Variants in WWOX observed in about 807,000 individuals in gnomAD.
WWOX encodes WW domain containing oxidoreductase.
In WWOX, 69 loss-of-function variants were observed where a neutral mutation model predicts 46.2. That is an observed-to-expected ratio of 1.49 (90% CI 1.23 to 1.82). The LOEUF (loss-of-function observed/expected upper bound fraction) is 1.82. Among genes scored for constraint, WWOX ranks in the 40% most tolerant of loss-of-function variants. The pLI is 0.00. For missense variants in WWOX, 919 were observed against 542.6 expected, an observed-to-expected ratio of 1.69 and a Z score of -6.89; for synonymous variants, 359 against 202.6, an observed-to-expected ratio of 1.77 and a Z score of -6.56.
At chr16:78,330,453 C>G (rs71396171) in intron 5 of WWOX, among the ~76,000 whole-genome samples, 7,789 of 151,680 alleles carry the variant, frequency 0.051, 324 homozygotes, top group African/African-American at 0.11. Context: ...CTATAGTGCA[C>G]TGGCGTGATC....
intron 8 of WWOX, among the ~76,000 whole-genome samples, chr16:79,033,563 C>A (rs2047807748): frequency 6.6e-6 from 1 of 152,096 alleles, no homozygotes; most frequent in African/African-American, 2.4e-5. Context: ...GTAGCCACCC[C>A]TTTATCAACA....
chr16:78,530,699 C>G (rs569509615), intron 8 of WWOX, among the ~76,000 whole-genome samples: 1 of 152,290 alleles, frequency 6.6e-6, no homozygotes, highest in South Asian at 2.1e-4. Flanking sequence ...GCCCTCACCA[C>G]GGACCTGCCC....
At chr16:79,188,683 C>T (rs1483797281) in intron 8 of WWOX, among the ~76,000 whole-genome samples, 2 of 152,218 alleles carry the variant, frequency 1.3e-5, no homozygotes, top group East Asian at 1.9e-4. Context: ...GGGTTGGGTC[C>T]TCCAAGTCTC....
chr16:78,546,455 C>A (rs1014141093), intron 8 of WWOX, among the ~76,000 whole-genome samples: 5 of 152,148 alleles, frequency 3.3e-5, no homozygotes, highest in African/African-American at 1.2e-4. Flanking sequence ...GAATACTGGA[C>A]CCAGAGTTTC....
At chr16:78,842,437 T>G (rs147574676) in intron 8 of WWOX, among the ~76,000 whole-genome samples, 4 of 152,038 alleles carry the variant, frequency 2.6e-5, no homozygotes, top group East Asian at 1.9e-4. Flanking sequence ...TGGATGTGTG[T>G]GGCTATGGTG....
intron 8 of WWOX, among the ~76,000 whole-genome samples, chr16:78,575,039 ATATATATATATATATATATATATATAT>A (rs2044830240): frequency 3.0e-4 from 1 of 3,360 alleles, no homozygotes; most frequent in East Asian, 0.011. Context: ...ATATATATAT[ATATATATATATATATATATATATATAT>A]ATATATATAT....
At chr16:78,299,896 G>A (rs2080009522) in intron 5 of WWOX, among the ~76,000 whole-genome samples, 2 of 152,108 alleles carry the variant, frequency 1.3e-5, no homozygotes, top group South Asian at 4.1e-4. Context: ...AAAATTTGGG[G>A]CAGGTTGTTT....
At chr16:78,227,299 C>G (rs2151803406) in intron 5 of WWOX, among the ~76,000 whole-genome samples, 1 of 152,234 alleles carries the variant, frequency 6.6e-6, no homozygotes, top group Non-Finnish European at 1.5e-5. Flanking sequence ...GGAGTTTTAT[C>G]TTCTGAGCCA....
chr16:79,010,833 G>T (rs1437914751), intron 8 of WWOX, among the ~76,000 whole-genome samples: 1 of 151,870 alleles, frequency 6.6e-6, no homozygotes, highest in African/African-American at 2.4e-5. Flanking sequence ...GGGGTTCAGT[G>T]ACAGTCTGGT....
intron 5 of WWOX, among the ~76,000 whole-genome samples, chr16:78,368,093 C>T (rs768123103): frequency 4.6e-5 from 7 of 152,116 alleles, no homozygotes; most frequent in Non-Finnish European, 7.3e-5. Flanking sequence ...GAGCAGATTT[C>T]GCTGCTTTTT....
intron 8 of WWOX, among the ~76,000 whole-genome samples, chr16:78,615,306 C>A (rs1395758851): frequency 6.6e-6 from 1 of 152,076 alleles, no homozygotes; most frequent in Non-Finnish European, 1.5e-5. Context: ...GTTGGGCTGC[C>A]TTTGCTCTCC....
chr16:78,380,998 C>G (rs951156965), intron 5 of WWOX, among the ~76,000 whole-genome samples: 1 of 152,128 alleles, frequency 6.6e-6, no homozygotes, highest in Non-Finnish European at 1.5e-5. Flanking sequence ...TACTATTATG[C>G]TCATTCATAA....
chr16:78,632,914 G>C (rs2046470821), intron 8 of WWOX, among the ~76,000 whole-genome samples: 1 of 152,000 alleles, frequency 6.6e-6, no homozygotes, highest in Non-Finnish European at 1.5e-5. Flanking sequence ...GTAATAGAAA[G>C]GTAGGGCCAT....
At chr16:79,053,233 C>A (rs917324767) in intron 8 of WWOX, among the ~76,000 whole-genome samples, 1 of 152,158 alleles carries the variant, frequency 6.6e-6, no homozygotes. Flanking sequence ...TTATTGCACA[C>A]ATACGTAATT....
intron 8 of WWOX, among the ~76,000 whole-genome samples, chr16:78,792,938 A>T (rs2142605897): frequency 6.6e-6 from 1 of 152,308 alleles, no homozygotes; most frequent in Admixed American, 6.5e-5. Flanking sequence ...AAACCTTGAT[A>T]ACCATGGCAA....
intron 8 of WWOX, among the ~76,000 whole-genome samples, chr16:79,108,791 C>T (rs2049359631): frequency 1.3e-5 from 2 of 151,870 alleles, no homozygotes; most frequent in Admixed American, 6.6e-5. Flanking sequence ...ATCCTAGCTA[C>T]TTGGGAGGCT....
chr16:78,264,190 T>G, intron 5 of WWOX, among the ~76,000 whole-genome samples: 1 of 152,022 alleles, frequency 6.6e-6, no homozygotes, highest in African/African-American at 2.4e-5. Context: ...AGGGACCCAC[T>G]TGGGAGAAGG....
chr16:78,423,154 A>G (rs1051792987), intron 6 of WWOX, among the ~76,000 whole-genome samples: 6 of 151,970 alleles, frequency 3.9e-5, no homozygotes, highest in Non-Finnish European at 8.8e-5. Flanking sequence ...CAAAGTGCTG[A>G]GATTACAGGC....
At chr16:78,550,673 C>G (rs2044152191) in intron 8 of WWOX, 1 of 152,150 alleles carries the variant, frequency 6.6e-6, no homozygotes, top group South Asian at 2.1e-4. Context: ...CAATTCTTGT[C>G]AAATATCTTA....
Sources: allele counts gnomAD v4.1 joint callset (sites outside exome capture counted in the v4.1 genomes callset), GRCh38; gene constraint gnomAD v4.1.1; transcripts MANE v1.5; gene names NCBI Gene and HGNC (gene_info 2026-07-23, HGNC 2026-07-21).